DIAPH3: variants seen among roughly 807,000 people sequenced by gnomAD.
DIAPH3 encodes the protein diaphanous related formin 3.
DIAPH3 carries 117 observed loss-of-function variants against 144.3 expected under a neutral mutation model. The ratio of observed to expected loss-of-function variants is 0.81; its 90% confidence interval spans 0.70 to 0.95. DIAPH3 has a LOEUF of 0.95. Ranked by LOEUF, DIAPH3 falls within the 40% of genes least tolerant of loss-of-function variation. The pLI, the probability that DIAPH3 is intolerant of heterozygous loss-of-function variation, is 0.00. For missense variants in DIAPH3, 1,421 were observed against 1,412.7 expected (o/e 1.01, Z -0.09); for synonymous variants, 519 against 488.9 (o/e 1.06, Z -0.81).
chr13:59,834,218 T>C (rs2041926311), intron 23 of DIAPH3, among the ~76,000 whole-genome samples: 2 of 151,728 alleles, frequency 1.3e-5, no homozygotes, highest in South Asian at 4.1e-4. Flanking sequence ...AAATTGCTAA[T>C]GCAGTCAGAT....
chr13:60,060,259 G>T (rs56139453), intron 4 of DIAPH3, among the ~76,000 whole-genome samples: 3 of 151,854 alleles, frequency 2.0e-5, no homozygotes, highest in African/African-American at 7.3e-5. Flanking sequence ...AAAATAAATA[G>T]TAGAGAGGAT....
At chr13:60,029,067 A>AG (rs202106058) in intron 5 of DIAPH3, among the ~76,000 whole-genome samples, 6,921 of 150,448 alleles carry the variant, frequency 0.046, 195 homozygotes, top group East Asian at 0.11. Flanking sequence ...CAAAAAAAAA[A>AG]GGGGGGATTT....
At chr13:59,835,051 A>G (rs893306246) in intron 23 of DIAPH3, among the ~76,000 whole-genome samples, 9 of 151,714 alleles carry the variant, frequency 5.9e-5, no homozygotes, top group African/African-American at 1.9e-4. Flanking sequence ...TATATCCCAC[A>G]TTTATTTTTA....
intron 21 of DIAPH3, among the ~76,000 whole-genome samples, chr13:59,872,796 C>T (rs1420235700): frequency 1.3e-5 from 2 of 152,128 alleles, no homozygotes; most frequent in Admixed American, 6.5e-5. Context: ...AGCCTGACGC[C>T]GAGGAGGATT....
intron 27 of DIAPH3, among the ~76,000 whole-genome samples, chr13:59,704,061 T>A (rs1168338722): frequency 6.6e-6 from 1 of 152,238 alleles, no homozygotes; most frequent in Non-Finnish European, 1.5e-5. Flanking sequence ...ACTGATTGTC[T>A]GGCAGGTTAT....
At chr13:59,964,048 T>C (rs1566580143) in intron 17 of DIAPH3, among the ~76,000 whole-genome samples, 1 of 152,090 alleles carries the variant, frequency 6.6e-6, no homozygotes, top group African/African-American at 2.4e-5. Context: ...GCAACTGGAA[T>C]TGCCCTGGTG....
chr13:60,053,464 A>G (rs998990862), intron 4 of DIAPH3, among the ~76,000 whole-genome samples: 5 of 152,164 alleles, frequency 3.3e-5, no homozygotes, highest in Admixed American at 3.3e-4. Flanking sequence ...AAAAGTACAT[A>G]GATTCCTCTT....
chr13:60,068,563 T>C (rs1212698506), intron 4 of DIAPH3, among the ~76,000 whole-genome samples: 2 of 152,160 alleles, frequency 1.3e-5, no homozygotes, highest in Non-Finnish European at 2.9e-5. Context: ...ATAAACTGCA[T>C]ATCATGGGGT....
chr13:59,767,518 A>G (rs1346007028), intron 27 of DIAPH3, among the ~76,000 whole-genome samples: 6 of 152,130 alleles, frequency 3.9e-5, no homozygotes, highest in African/African-American at 9.7e-5. Context: ...CACAAAATTT[A>G]AAACAAAAGT....
intron 14 of DIAPH3, among the ~76,000 whole-genome samples, chr13:59,980,028 G>A (rs2050903204): frequency 6.6e-6 from 1 of 151,648 alleles, no homozygotes; most frequent in Non-Finnish European, 1.5e-5. Context: ...GGAACGCTGA[G>A]CATGTGGAAG....
chr13:59,910,850 G>C (rs1031294815), intron 20 of DIAPH3, among the ~76,000 whole-genome samples: 1 of 149,758 alleles, frequency 6.7e-6, no homozygotes, highest in Non-Finnish European at 1.5e-5. Context: ...AACTTTGGTG[G>C]TAGCAAGGAG....
intron 27 of DIAPH3, among the ~76,000 whole-genome samples, chr13:59,717,868 A>T (rs1394014198): frequency 6.6e-6 from 1 of 152,272 alleles, no homozygotes; most frequent in South Asian, 2.1e-4. Context: ...AAAAACAAAG[A>T]AAAAGAAAAA....
intron 3 of DIAPH3, among the ~76,000 whole-genome samples, chr13:60,111,572 C>T (rs2138063709): frequency 6.6e-6 from 1 of 152,248 alleles, no homozygotes; most frequent in South Asian, 2.1e-4. Context: ...AGCACAAACT[C>T]CATGGTGAAC....
chr13:59,767,699 C>T (rs970646880), intron 27 of DIAPH3, among the ~76,000 whole-genome samples: 1 of 152,108 alleles, frequency 6.6e-6, no homozygotes, highest in Non-Finnish European at 1.5e-5. Context: ...TTAATCATAA[C>T]AACCATTTCA....
At chr13:59,983,377 A>G (rs2051156905) in intron 13 of DIAPH3, among the ~76,000 whole-genome samples, 1 of 151,614 alleles carries the variant, frequency 6.6e-6, no homozygotes, top group African/African-American at 2.4e-5. Flanking sequence ...CCCATTTGTT[A>G]ACACAGAATA....
At chr13:60,153,028 T>C (rs1951869973) in intron 1 of DIAPH3, among the ~76,000 whole-genome samples, 1 of 152,162 alleles carries the variant, frequency 6.6e-6, no homozygotes, top group African/African-American at 2.4e-5. Context: ...AAAGTAAGCA[T>C]ATTCTGGACA....
chr13:60,139,119 A>C (rs2059370632), intron 1 of DIAPH3, among the ~76,000 whole-genome samples: 1 of 151,898 alleles, frequency 6.6e-6, no homozygotes, highest in Admixed American at 6.5e-5. Context: ...GAGTCTATGG[A>C]TCATCTCCCT....
At chr13:60,094,504 G>A (rs1181779016) in intron 3 of DIAPH3, among the ~76,000 whole-genome samples, 1 of 152,146 alleles carries the variant, frequency 6.6e-6, no homozygotes, top group Non-Finnish European at 1.5e-5. Flanking sequence ...GGGCGCCTGA[G>A]GTAAGACAGA....
chr13:60,054,279 A>T (rs2141260937), intron 4 of DIAPH3, among the ~76,000 whole-genome samples: 1 of 152,158 alleles, frequency 6.6e-6, no homozygotes, highest in African/African-American at 2.4e-5. Context: ...GAATAGTTTG[A>T]ACTTTAATTT....
Sources: allele counts gnomAD v4.1 joint callset (sites outside exome capture counted in the v4.1 genomes callset), GRCh38; gene constraint gnomAD v4.1.1; transcripts MANE v1.5; gene names NCBI Gene and HGNC (gene_info 2026-07-23, HGNC 2026-07-21).